Variants in AGO4 observed in about 807,000 individuals in gnomAD.
AGO4 encodes the protein argonaute RISC component 4, also known as protein argonaute-4.
Under a neutral mutation model 104.7 loss-of-function variants are expected in AGO4, and 33 were observed. The observed-to-expected ratio is 0.32, with a 90% CI of 0.24 to 0.42. The LOEUF is 0.42. Among genes scored for constraint, AGO4 ranks in the 10% least tolerant of loss-of-function variants. AGO4 has a pLI of 1.00. For synonymous variants in AGO4, 331 were observed against 364.7 expected (o/e 0.91, Z 1.05); for missense variants, 711 against 1,083.4 (o/e 0.66, Z 4.83).
intron 13 of AGO4, among the ~76,000 whole-genome samples, chr1:35,838,680 G>A (rs897258111): frequency 6.6e-6 from 1 of 152,154 alleles, no homozygotes; most frequent in Admixed American, 6.5e-5. Flanking sequence ...CAAAGTGCTG[G>A]CTGGGCATTG....
Position 35,826,489 on chromosome 1 carries a change from G to A in AGO4, c.761-259G>A, listed in dbSNP as rs554405372. On this transcript the variant is annotated intron_variant, in intron 6 of 17. Transcript: ENST00000373210. ...AAGCTGTCTCCAGACCTGAAAATAA[G>A]CATCAGAACATAGTTGATGCTTAAT... 9.2e-5 allele frequency among the ~76,000 whole-genome samples: 14 copies of A among 152,234 alleles called. No homozygotes were observed. In the East Asian group the frequency reaches 2.1e-3, roughly 23 times the overall value.
intron 1 of AGO4, among the ~76,000 whole-genome samples, chr1:35,816,130 A>G (rs1038815814): frequency 6.6e-6 from 1 of 152,230 alleles, no homozygotes; most frequent in Non-Finnish European, 1.5e-5. Context: ...CTGTGGTTTA[A>G]TCTTCTCCTA....
intron 15 of AGO4, among the ~76,000 whole-genome samples, chr1:35,849,686 C>CA (rs58930702): frequency 0.082 from 6,083 of 73,848 alleles, 210 homozygotes; most frequent in Middle Eastern, 0.16. Context: ...GACGCTGTCT[C>CA]AAAAAAAAAA....
intron 13 of AGO4, among the ~76,000 whole-genome samples, chr1:35,840,688 C>T (rs1464660174): frequency 6.6e-6 from 1 of 152,186 alleles, no homozygotes; most frequent in Non-Finnish European, 1.5e-5. Flanking sequence ...TAGTACATAA[C>T]TCACTGCAGC....
At chr1:35,810,675 G>A (rs1466107272) in intron 1 of AGO4, among the ~76,000 whole-genome samples, 3 of 152,104 alleles carry the variant, frequency 2.0e-5, no homozygotes, top group Admixed American at 1.3e-4. Flanking sequence ...CTTCATTAGG[G>A]TTTCAAAGGG....
At chr1:35,853,248 CAA>C (rs767922952) in intron 17 of AGO4, among the ~76,000 whole-genome samples, 24 of 64,926 alleles carry the variant, frequency 3.7e-4, no homozygotes, top group Admixed American at 3.4e-4. Flanking sequence ...GACTCTGTCT[CAA>C]AAAAAAAAAA....
At chr1:35,838,758 GATA>G (rs2148675174) in intron 13 of AGO4, among the ~76,000 whole-genome samples, 1 of 152,244 alleles carries the variant, frequency 6.6e-6, no homozygotes, top group South Asian at 2.1e-4. Context: ...TATCTATCCA[GATA>G]ATAATATCTG....
In AGO4 at chr1:35,808,460, C is replaced by G. The variant is rs1485892908; in HGVS notation, c.19+25C>G. 8.5e-7 allele frequency: 1 copy of G among 1,172,854 alleles called. No individual in the cohort carries two copies. Among genetic ancestry groups the G allele is most frequent in the South Asian group, 4.2e-5 (1 of 23,750 alleles). 72.7% of individuals were successfully genotyped at this position (1,172,854 alleles called of 1,614,324 possible). A position where few individuals can be genotyped will look rare whatever the true frequency, so the allele number is the denominator to read the frequency against. ...GGTGAGGAGCGAGCTCGGGTCGGGG[C>G]GGGACCCGGGACCCGGGACCCGGGG... On this transcript the variant is annotated intron_variant, in intron 1 of 17. Coordinates refer to ENST00000373210, the MANE Select transcript of AGO4 (RefSeq NM_017629.4). The surrounding 1 kb of genome is among the most constrained non-coding windows in gnomAD (Gnocchi z 5.2).
chr1:35,850,072 C>A (rs1030885571), intron 15 of AGO4, 85 bp from the exon 16 acceptor site: 2 of 812,100 alleles, frequency 2.5e-6, no homozygotes, highest in Non-Finnish European at 4.0e-6. Flanking sequence ...TACCAACTTG[C>A]TCCCAATTAA....
intron 11 of AGO4, 41 bp downstream of exon 11, chr1:35,832,611 A>G: frequency 5.0e-6 from 8 of 1,602,968 alleles, no homozygotes; most frequent in Non-Finnish European, 6.8e-6. Flanking sequence ...TATCCCTTCC[A>G]GATATGAAAA....
chr1:35,849,104 A>G (rs1644640718), intron 15 of AGO4, among the ~76,000 whole-genome samples: 1 of 152,216 alleles, frequency 6.6e-6, no homozygotes, highest in African/African-American at 2.4e-5. Context: ...AAATAGCAAG[A>G]TGTAATTCCT....
In AGO4 at chr1:35,813,581, A is replaced by AC. The variant is rs201457057; in HGVS notation, c.20-3297dup. 7.3e-3 allele frequency among the ~76,000 whole-genome samples: 1,108 copies of AC among 151,496 alleles called. 14 individuals are homozygous for AC. The highest frequency in any genetic ancestry group is 0.025 in the African/African-American group (1,026 of 41,278). ...AGACCAGCCTAGGCAACATGGCAAA[A>AC]CCCCAAACCTCGTCTCTACCAAAAA... On this transcript the variant is annotated intron_variant, in intron 1 of 17. Coordinates refer to ENST00000373210, the MANE Select transcript of AGO4 (RefSeq NM_017629.4).
intron 2 of AGO4, among the ~76,000 whole-genome samples, chr1:35,818,089 G>A (rs1468216150): frequency 6.6e-6 from 1 of 152,026 alleles, no homozygotes. Flanking sequence ...TAAAGAAAAA[G>A]AAAATAGAGA....
chr1:35,831,574 G>C lies in AGO4; in HGVS notation c.996G>C (p.Glu332Asp). The change falls in exon 8 of 18, where the codon GAG becomes GAC. Residue 332 changes from glutamate to aspartate, a missense_variant and splice_region_variant. By Grantham distance (45) the Glu-to-Asp change is conservative (BLOSUM62 2). Coordinates refer to ENST00000373210, the MANE Select transcript of AGO4 (RefSeq NM_017629.4). ...AAAAGCATACATACTTGCCACTCGA[G>C]GTAAGTTAAATTTTCTTTTGCCAAT... ...QEQKHTYLPL[E>D]VCNIVAGQRC... 6.2e-7 allele frequency: 1 copy of C among 1,607,838 alleles called. No individual in the cohort carries two copies.
chr1:35,853,371 A>G, intron 17 of AGO4, 126 bp from the exon 18 acceptor site: 1 of 641,170 alleles, frequency 1.6e-6, no homozygotes, highest in Non-Finnish European at 2.7e-6. Flanking sequence ...TGTTTGTGCT[A>G]TTTGAAACGT....
intron 7 of AGO4, among the ~76,000 whole-genome samples, chr1:35,828,926 A>G (rs1460294180): frequency 6.6e-6 from 1 of 152,170 alleles, no homozygotes; most frequent in Non-Finnish European, 1.5e-5. Context: ...AATCAAGATC[A>G]TGTCTGACAT....
At chr1:35,826,637 T>C in intron 6 of AGO4, 111 bp from the exon 7 acceptor site, 1 of 968,886 alleles carries the variant, frequency 1.0e-6, no homozygotes, top group Non-Finnish European at 1.6e-6. Context: ...CCCATATTCT[T>C]GCAATTTTTA....
Position 35,841,808 on chromosome 1 carries a change from GCA to G in AGO4, c.2175+61_2175+62del, listed in dbSNP as rs1491262087. On this transcript the variant is annotated intron_variant, in intron 15 of 17. Transcript: ENST00000373210. This position sits in a 1 kb window ranked among gnomAD's most constrained non-coding sequence, Gnocchi z 4.7. ...AGGCTCTGGCAAGAGATGTATATAT[GCA>G]CATATATATATATATATATATATAT... The G allele has an allele frequency of 2.5e-5, 23 of 904,802 alleles. No homozygotes were observed. The highest frequency in any genetic ancestry group is 3.5e-4 in the Middle Eastern group (1 of 2,828). 56.0% of individuals were successfully genotyped at this position (904,802 alleles called of 1,614,324 possible).
intron 1 of AGO4, among the ~76,000 whole-genome samples, chr1:35,813,448 C>T (rs1443500861): frequency 1.3e-5 from 2 of 150,712 alleles, no homozygotes; most frequent in Non-Finnish European, 3.0e-5. Flanking sequence ...AAATTATGTG[C>T]TTTTGCTTCA....
Sources: allele counts gnomAD v4.1 joint callset (sites outside exome capture counted in the v4.1 genomes callset), GRCh38; gene constraint gnomAD v4.1.1; non-coding constraint Gnocchi (gnomAD v3.1); transcripts MANE v1.5; gene names NCBI Gene and HGNC (gene_info 2026-07-23, HGNC 2026-07-21).